Variants in SAMD4A observed in about 807,000 individuals in gnomAD.
The protein encoded by SAMD4A is protein Smaug homolog 1.
SAMD4A carries 33 observed loss-of-function variants against 81.3 expected under a neutral mutation model. The observed-to-expected ratio is 0.41, with a 90% CI of 0.31 to 0.54. The LOEUF is 0.54. Ranked by LOEUF, SAMD4A falls within the 20% of genes least tolerant of loss-of-function variation. The probability of loss-of-function intolerance (pLI) is 0.37; values close to 1 mark genes in which losing one functional copy is unlikely to be tolerated. For missense variants in SAMD4A, 854 were observed against 951.1 expected (o/e 0.90, Z 1.34); for synonymous variants, 389 against 382.1 (o/e 1.02, Z -0.21).
chr14:54,725,816 C>T (rs2037400881), intron 3 of SAMD4A, among the ~76,000 whole-genome samples: 1 of 152,168 alleles, frequency 6.6e-6, no homozygotes, highest in African/African-American at 2.4e-5. Context: ...ACAGAAGGGC[C>T]ACATGACTTC....
At chr14:54,777,155 T>C (rs2038874663) in intron 11 of SAMD4A, among the ~76,000 whole-genome samples, 1 of 152,026 alleles carries the variant, frequency 6.6e-6, no homozygotes, top group Admixed American at 6.6e-5. Context: ...CCATGAGTAA[T>C]AACAAGCCAC....
intron 8 of SAMD4A, among the ~76,000 whole-genome samples, chr14:54,765,685 A>G (rs2038519728): frequency 6.6e-6 from 1 of 151,990 alleles, no homozygotes; most frequent in Admixed American, 6.5e-5. Context: ...ATGGGCAGCC[A>G]GTACTCCAGG....
chr14:54,732,438 C>T (rs755559638), intron 3 of SAMD4A, among the ~76,000 whole-genome samples: 1 of 152,078 alleles, frequency 6.6e-6, no homozygotes, highest in Non-Finnish European at 1.5e-5. Context: ...AAATTATATT[C>T]TTTCAGAAGG....
In SAMD4A at chr14:54,618,815, A is replaced by G. The variant is rs909426003; in HGVS notation, c.196+50703A>G. Among the ~76,000 whole-genome samples, 4 of 151,974 alleles carry G rather than the reference A, an allele frequency of 2.6e-5. No individual in the cohort carries two copies. The East Asian group carries it at 7.8e-4, about 30-fold the overall frequency. On this transcript the variant is annotated intron_variant, in intron 2 of 12. Transcript: ENST00000554335. ...TTTTAAGCTAGCACTTGTATTTTGG[A>G]AAAATTATTTACTCAAAGATATCTT...
At chr14:54,653,902 G>A (rs983485569) in intron 2 of SAMD4A, among the ~76,000 whole-genome samples, 4 of 152,150 alleles carry the variant, frequency 2.6e-5, no homozygotes, top group African/African-American at 9.7e-5. Flanking sequence ...GAATCTTACA[G>A]ATGTTGCATC....
chr14:54,678,996 GC>G (rs1455374106), intron 2 of SAMD4A, among the ~76,000 whole-genome samples: 2 of 152,160 alleles, frequency 1.3e-5, no homozygotes, highest in Non-Finnish European at 2.9e-5. Context: ...ATAGTAAATA[GC>G]CAAGAGATAG....
At chr14:54,731,972 AAG>A (rs2140907917) in intron 3 of SAMD4A, among the ~76,000 whole-genome samples, 1 of 152,328 alleles carries the variant, frequency 6.6e-6, no homozygotes, top group South Asian at 2.1e-4. Flanking sequence ...TGACAGCAAA[AAG>A]AAATAATGGT....
At chr14:54,600,727 G>T (rs1229145746) in intron 2 of SAMD4A, among the ~76,000 whole-genome samples, 1 of 152,192 alleles carries the variant, frequency 6.6e-6, no homozygotes, top group African/African-American at 2.4e-5. Flanking sequence ...TAGGAGGCTG[G>T]ATCCTTTGAT....
intron 2 of SAMD4A, among the ~76,000 whole-genome samples, chr14:54,654,105 C>G (rs1001560493): frequency 2.4e-4 from 36 of 152,298 alleles, no homozygotes; most frequent in African/African-American, 7.7e-4. Context: ...ATGTTTTGCT[C>G]CAAGTCGTTT....
At chr14:54,707,620 A>C (rs2140782695) in intron 3 of SAMD4A, among the ~76,000 whole-genome samples, 1 of 152,234 alleles carries the variant, frequency 6.6e-6, no homozygotes, top group East Asian at 1.9e-4. Context: ...TGGAAATAAG[A>C]ACAAGGGTAG....
chr14:54,584,500 A>C (rs2033562291), intron 2 of SAMD4A, among the ~76,000 whole-genome samples: 1 of 152,258 alleles, frequency 6.6e-6, no homozygotes, highest in Non-Finnish European at 1.5e-5. Flanking sequence ...AATCCAAAGC[A>C]TTAAAGAAGA....
chr14:54,653,297 CTTAATATTA>C (rs1264229298), intron 2 of SAMD4A, among the ~76,000 whole-genome samples: 1 of 133,486 alleles, frequency 7.5e-6, no homozygotes, highest in Non-Finnish European at 1.6e-5. Flanking sequence ...AAGACTTCCT[CTTAATATTA>C]TTATTATTAT....
intron 2 of SAMD4A, among the ~76,000 whole-genome samples, chr14:54,665,242 T>C (rs2035732589): frequency 6.6e-6 from 1 of 152,240 alleles, no homozygotes; most frequent in African/African-American, 2.4e-5. Context: ...TAATGTGGAA[T>C]GCTTAAAATC....
chr14:54,774,853 C>A, intron 9 of SAMD4A, 81 bp from the exon 10 acceptor site: 10 of 1,321,102 alleles, frequency 7.6e-6, no homozygotes, highest in South Asian at 1.2e-5. Context: ...ACCTCCAAGG[C>A]GACATCCCTT....
At chr14:54,681,883 C>A (rs2036136998) in intron 2 of SAMD4A, 1 of 985,200 alleles carries the variant, frequency 1.0e-6, no homozygotes, top group Non-Finnish European at 1.2e-6. Flanking sequence ...TGTGACAGAC[C>A]ACTGCTCTGG....
At chr14:54,760,587 T>G (rs947500191) in intron 7 of SAMD4A, 93 bp downstream of exon 7, 2 of 1,351,344 alleles carry the variant, frequency 1.5e-6, no homozygotes, top group African/African-American at 3.1e-5. Flanking sequence ...CTGGATAAAT[T>G]CCCTGTCCAA....
At chr14:54,609,067 AC>A (rs770593390) in intron 2 of SAMD4A, among the ~76,000 whole-genome samples, 18 of 152,254 alleles carry the variant, frequency 1.2e-4, no homozygotes, top group Non-Finnish European at 2.4e-4. Flanking sequence ...AATCTCCAGA[AC>A]CTGTGAAAAT....
At chr14:54,774,857 A>G in intron 9 of SAMD4A, 77 bp from the exon 10 acceptor site, 1 of 1,396,224 alleles carries the variant, frequency 7.2e-7, no homozygotes, top group Admixed American at 1.8e-5. Flanking sequence ...CCAAGGCGAC[A>G]TCCCTTGGGA....
intron 12 of SAMD4A, among the ~76,000 whole-genome samples, chr14:54,788,489 G>A (rs2039196641): frequency 6.6e-6 from 1 of 151,934 alleles, no homozygotes; most frequent in Non-Finnish European, 1.5e-5. Flanking sequence ...TCCTCCTCCT[G>A]CCAGCACCAG....
Sources: gnomAD v4.1 joint callset for allele counts (sites outside exome capture counted in the v4.1 genomes callset) on GRCh38, gnomAD v4.1.1 for gene constraint, MANE v1.5 for transcripts, NCBI Gene and HGNC (gene_info 2026-07-23, HGNC 2026-07-21) for gene names.